The following FGF13 variants were observed in gnomAD, a reference collection of about 807,000 sequenced individuals.
FGF13 encodes fibroblast growth factor homologous factor 2.
A neutral mutation model predicts 19.5 loss-of-function variants in FGF13; 2 were observed. The ratio of observed to expected loss-of-function variants is 0.10; its 90% CI spans 0.04 to 0.32. The LOEUF (loss-of-function observed/expected upper bound fraction) is 0.32, where lower values mean the gene tolerates loss of function less well. Ranked by LOEUF, FGF13 falls within the 10% of genes least tolerant of loss-of-function variation. FGF13 has a pLI of 1.00. For missense variants in FGF13, 113 were observed against 192.7 expected (o/e 0.59, Z 2.45); for synonymous variants, 72 against 76.9 (o/e 0.94, Z 0.33).
At chrX:138,951,823 G>C (rs73241089) in intron 1 of FGF13, among the ~76,000 whole-genome samples, 7,499 of 111,628 alleles carry the variant, frequency 0.067, 229 homozygotes, top group Non-Finnish European at 0.1. Context: ...ATGCTTTGTA[G>C]TTCCTTGAAA....
intron 1 of FGF13, among the ~76,000 whole-genome samples, chrX:139,065,974 C>T (rs1182933841): frequency 8.9e-6 from 1 of 111,804 alleles, no homozygotes; most frequent in Non-Finnish European, 1.9e-5. Context: ...CAAACAGTCT[C>T]TCAGACAACA....
Position 138,628,041 on chromosome X carries a change from G to A in FGF13, c.*4809C>T, listed in dbSNP as rs2089081749. On this transcript the variant is annotated 3_prime_UTR_variant, in exon 5 of 5. Coordinates refer to ENST00000315930, the MANE Select transcript of FGF13 (RefSeq NM_004114.5). ...AGTAACAGTGTTTAAAGATTACAAA[G>A]GCCCAGAAAATGTGATGGTTCATGA... 1 of 111,565 alleles carries A rather than the reference G, an allele frequency of 9.0e-6. No homozygotes were observed. Among genetic ancestry groups the A allele is most frequent in the Non-Finnish European group, 1.9e-5 (1 of 53,149 alleles). The allele number at this position is 111,565 out of a possible 1,213,427, so 9.2% of individuals were successfully genotyped here.
chrX:139,129,507 T>A (rs1413945863), intron 1 of FGF13, among the ~76,000 whole-genome samples: 1 of 110,821 alleles, frequency 9.0e-6, no homozygotes, highest in Non-Finnish European at 1.9e-5. Context: ...AGAGGCATTT[T>A]TTGTAAGGGG....
At chrX:138,925,184 C>T (rs943349968) in intron 1 of FGF13, among the ~76,000 whole-genome samples, 3 of 111,924 alleles carry the variant, frequency 2.7e-5, no homozygotes, top group African/African-American at 3.3e-5. Flanking sequence ...TATTGTCTCT[C>T]GGCAAAGCAG....
intron 1 of FGF13, among the ~76,000 whole-genome samples, chrX:139,111,323 G>A (rs960876167): frequency 2.7e-5 from 3 of 111,797 alleles, no homozygotes; most frequent in Non-Finnish European, 5.6e-5. Flanking sequence ...CATGGAAGAG[G>A]ACGGGATATA....
chrX:139,117,355 A>C (rs1392615333), intron 1 of FGF13, among the ~76,000 whole-genome samples: 1 of 111,735 alleles, frequency 8.9e-6, no homozygotes, highest in Non-Finnish European at 1.9e-5. Flanking sequence ...AATCTCAATT[A>C]AGCTCTATAC....
intron 1 of FGF13, among the ~76,000 whole-genome samples, chrX:139,116,443 C>T (rs935622478): frequency 1.8e-5 from 2 of 111,903 alleles, no homozygotes; most frequent in Non-Finnish European, 3.8e-5. Flanking sequence ...TAACATATTA[C>T]AGACTATAAT....
At chrX:139,033,962 T>A (rs779704204) in intron 1 of FGF13, among the ~76,000 whole-genome samples, 3 of 111,835 alleles carry the variant, frequency 2.7e-5, no homozygotes, top group Non-Finnish European at 5.7e-5. Flanking sequence ...AAAAGTAATG[T>A]CCAGCTACAG....
chrX:139,190,801 C>A (rs2084322436), intron 1 of FGF13, among the ~76,000 whole-genome samples: 1 of 111,484 alleles, frequency 9.0e-6, no homozygotes, highest in Non-Finnish European at 1.9e-5. Flanking sequence ...AGATAATAAT[C>A]CGAGAAGCAA....
rs5931566 is a variant in FGF13, at chrX:139,073,312, G to A, written c.-113+130104C>T. ...AGCAGGGAATGACTTTGGACAAGTCGCTTAAGCTTCACAACTAAGGAAACC... is the reference window on the plus strand; with the variant it reads ...AGCAGGGAATGACTTTGGACAAGTCACTTAAGCTTCACAACTAAGGAAACC... On this transcript the variant is annotated intron_variant, in intron 1 of 2. Transcript: ENST00000421460. 2.7e-5 allele frequency among the ~76,000 whole-genome samples: 3 copies of A among 109,158 alleles called. No individual in the cohort carries two copies. The Admixed American group carries it at 3.0e-4, about 11-fold the overall frequency. The allele number at this position is 109,158 out of a possible 115,157, so 94.8% of individuals were successfully genotyped here.
At chrX:138,703,871 C>A (rs185668840) in intron 2 of FGF13, among the ~76,000 whole-genome samples, 10 of 111,395 alleles carry the variant, frequency 9.0e-5, no homozygotes, top group African/African-American at 2.9e-4. Flanking sequence ...TGTGCCACCA[C>A]GCCCGGCTAA....
intron 1 of FGF13, among the ~76,000 whole-genome samples, chrX:138,935,183 G>A (rs767107685): frequency 1.8e-5 from 2 of 111,465 alleles, no homozygotes; most frequent in South Asian, 7.5e-4. Flanking sequence ...AGGGCCTCTG[G>A]AAGTCAAGGT....
chrX:138,778,787 CG>C (rs1335913515), intron 3 of FGF13, among the ~76,000 whole-genome samples: 1 of 112,464 alleles, frequency 8.9e-6, no homozygotes, highest in African/African-American at 3.2e-5. Context: ...CAAAGCAGCC[CG>C]GAAGCTCGAA....
intron 1 of FGF13, among the ~76,000 whole-genome samples, chrX:138,875,457 A>G (rs1351734362): frequency 3.6e-5 from 4 of 111,490 alleles, no homozygotes; most frequent in African/African-American, 1.3e-4. Context: ...TAATAACTGA[A>G]TTAGTGTCAC....
At chrX:139,174,354 C>A (rs1386007648) in intron 1 of FGF13, among the ~76,000 whole-genome samples, 1 of 112,109 alleles carries the variant, frequency 8.9e-6, no homozygotes, top group Non-Finnish European at 1.9e-5. Context: ...CTGTAGGTTG[C>A]CTGTTCAACC....
chrX:138,625,566 A>G lies in FGF13; in HGVS notation c.*7284T>C, dbSNP rs2089055256. ...TAAAGAGGGAGCTCCTTCCATTTAC[A>G]TAAACATGGATGAAACTTCAGAGCA... is the stretch of plus-strand genomic sequence containing the variant. On this transcript the variant is annotated 3_prime_UTR_variant, in exon 5 of 5. Transcript: ENST00000315930. 9.9e-6 allele frequency: 1 copy of G among 100,853 alleles called. No homozygotes were observed. Among genetic ancestry groups the G allele is most frequent in the African/African-American group, 3.6e-5 (1 of 27,663 alleles). The allele number at this position is 100,853 out of a possible 1,213,427, so 8.3% of individuals were successfully genotyped here.
intron 1 of FGF13, among the ~76,000 whole-genome samples, chrX:138,720,591 C>T (rs1273619315): frequency 8.9e-6 from 1 of 111,828 alleles, no homozygotes; most frequent in Non-Finnish European, 1.9e-5. Context: ...GTGGTAAGCA[C>T]TTTAAGAATG....
intron 1 of FGF13, among the ~76,000 whole-genome samples, chrX:139,140,486 C>G (rs1243445197): frequency 9.0e-6 from 1 of 111,626 alleles, no homozygotes; most frequent in African/African-American, 3.3e-5. Flanking sequence ...TTCTTCCAGT[C>G]TCCTAATGTA....
intron 1 of FGF13, among the ~76,000 whole-genome samples, chrX:138,932,703 AGTGTGTGTGTGTGTGTGTGTGTGT>A (rs57793547): frequency 1.1e-5 from 1 of 90,290 alleles, no homozygotes; most frequent in African/African-American, 4.1e-5. Flanking sequence ...TCAGGAGTGT[AGTGTGTGTGTGTGTGTGTGTGTGT>A]GTGTGTGTGT....
Sources: gnomAD v4.1 joint callset for allele counts (sites outside exome capture counted in the v4.1 genomes callset) on GRCh38, gnomAD v4.1.1 for gene constraint, MANE v1.5 for transcripts, NCBI Gene and HGNC (gene_info 2026-07-23, HGNC 2026-07-21) for gene names.